HYDIN: variants seen among roughly 807,000 people sequenced by gnomAD.
The protein encoded by HYDIN is axonemal central pair apparatus protein HYDIN.
HYDIN carries 132 observed loss-of-function variants against 403.9 expected under a neutral mutation model. The observed-to-expected ratio is 0.33, with a 90% confidence interval of 0.28 to 0.38. The LOEUF is 0.38. Among genes scored for constraint, HYDIN ranks in the 10% least tolerant of loss-of-function variants. The pLI, the probability that HYDIN is intolerant of heterozygous loss-of-function variation, is 1.00. For synonymous variants in HYDIN, 1,202 were observed against 1,891.7 expected (o/e 0.64, Z 9.46); for missense variants, 2,827 against 5,009.5 (o/e 0.56, Z 13.15).
At chr16:71,103,993 T>C (rs1278392484) in intron 10 of HYDIN, among the ~76,000 whole-genome samples, 3 of 152,168 alleles carry the variant, frequency 2.0e-5, no homozygotes, top group Admixed American at 2.0e-4. Context: ...ATACATTTTG[T>C]CAAATTTATC....
At chr16:70,838,178 A>ATTTCTTTC (rs562861473) in intron 76 of HYDIN, among the ~76,000 whole-genome samples, 5 of 151,288 alleles carry the variant, frequency 3.3e-5, no homozygotes, top group African/African-American at 1.2e-4. Flanking sequence ...CCGATTCTGT[A>ATTTCTTTC]TTTCTTTCTT....
At chr16:71,189,288 G>A (rs370689002) in intron 1 of HYDIN, among the ~76,000 whole-genome samples, 25 of 152,290 alleles carry the variant, frequency 1.6e-4, no homozygotes, top group African/African-American at 5.8e-4. Flanking sequence ...AGATTTCTCT[G>A]AATGTACCTC....
At chr16:71,126,892 C>A (rs1358604991) in intron 9 of HYDIN, among the ~76,000 whole-genome samples, 1 of 151,670 alleles carries the variant, frequency 6.6e-6, no homozygotes, top group African/African-American at 2.4e-5. Context: ...TTACCTGAAT[C>A]GGAAAACCAA....
At chr16:70,859,950 T>A in intron 71 of HYDIN, 118 bp downstream of exon 71, 1 of 786,896 alleles carries the variant, frequency 1.3e-6, no homozygotes, top group South Asian at 1.6e-5. Context: ...TGTTGATTGA[T>A]GCACTACACC....
At chr16:71,081,435 C>T (rs7404748) in intron 12 of HYDIN, among the ~76,000 whole-genome samples, 71,360 of 150,608 alleles carry the variant, frequency 0.47, 19,482 homozygotes, top group East Asian at 0.73. Context: ...CAGTTGAGAA[C>T]GACGTCAACA....
At chr16:70,976,154 A>G (rs1774298) in intron 30 of HYDIN, among the ~76,000 whole-genome samples, 4,092 of 117,728 alleles carry the variant, frequency 0.035, no homozygotes, top group African/African-American at 0.15. Context: ...ACTATGTGTG[A>G]CAAATGATGG....
intron 45 of HYDIN, among the ~76,000 whole-genome samples, chr16:70,928,457 T>TA (rs1043341480): frequency 7.4e-4 from 111 of 149,034 alleles, no homozygotes; most frequent in African/African-American, 1.5e-3. Context: ...AGACCCTGCC[T>TA]AAAAAAAAAA....
At position 71,038,729 on chromosome 16, in the gene HYDIN, C is replaced by T. The variant is rs572610409; in HGVS notation, c.2530-6812G>A. Among the ~76,000 whole-genome samples the T allele has an allele frequency of 1.1e-4, 17 of 152,368 alleles. No individual in the cohort carries two copies. In the South Asian group the frequency reaches 1.5e-3, roughly 13 times the overall value. On this transcript the variant is annotated intron_variant, in intron 18 of 85. Transcript: ENST00000393567. Reference sequence around the variant, plus strand: ...AGGCTAGAGTGCAGTGGCGCCATCTCGGACCACTGCAACCTCCGCCTCCTG... The same window carrying T: ...AGGCTAGAGTGCAGTGGCGCCATCTTGGACCACTGCAACCTCCGCCTCCTG...
intron 47 of HYDIN, among the ~76,000 whole-genome samples, chr16:70,916,853 C>A (rs1567824133): frequency 6.6e-6 from 1 of 151,464 alleles, no homozygotes; most frequent in African/African-American, 2.4e-5. Context: ...TTTTTCCTTC[C>A]TTCCTTCCTT....
chr16:71,183,592 A>C (rs1017673556), intron 3 of HYDIN, among the ~76,000 whole-genome samples: 3 of 152,126 alleles, frequency 2.0e-5, no homozygotes, highest in African/African-American at 7.2e-5. Flanking sequence ...TAAAGTCAGA[A>C]GGTCATAGGG....
chr16:70,902,821 A>ATATTTTTTTTTTTTTTTT, intron 52 of HYDIN, among the ~76,000 whole-genome samples: 5 of 47,312 alleles, frequency 1.1e-4, no homozygotes, highest in African/African-American at 4.7e-4. Flanking sequence ...ATATATATAT[A>ATATTTTTTTTTTTTTTTT]TTTTTTTTTT....
intron 10 of HYDIN, 75 bp downstream of exon 10, chr16:71,115,621 A>T (rs991244880): frequency 1.8e-5 from 15 of 816,396 alleles, no homozygotes; most frequent in Non-Finnish European, 3.0e-5. Context: ...GTGCACACAC[A>T]CACACACTCA....
chr16:71,040,858 G>A (rs1388885690), intron 18 of HYDIN, among the ~76,000 whole-genome samples: 1 of 110,142 alleles, frequency 9.1e-6, no homozygotes, highest in African/African-American at 3.6e-5. Context: ...CTCAGAAAGC[G>A]TATCCCCATT....
At position 70,818,410 on chromosome 16, in the gene HYDIN, A is replaced by G; in HGVS notation, c.14590T>C (p.Phe4864Leu). 1.2e-6 allele frequency: 2 copies of G among 1,613,584 alleles called. No individual in the cohort carries two copies. The highest frequency in any genetic ancestry group is 1.7e-6 in the Non-Finnish European group (2 of 1,179,748). ...TCGGGCATCCGGCATTCCGTGGAGA[A>G]GGTCACCGAGTAGGGCAGAGGGTTC... Reference protein sequence around the residue: ...LENPLPYSVTFSTECRMPDIA... With the variant: ...LENPLPYSVTLSTECRMPDIA... The change falls in exon 84 of 86, where the codon TTC becomes CTC. Residue 4864 changes from phenylalanine (F) to leucine (L), a missense_variant. Transcript: ENST00000393567.
intron 46 of HYDIN, among the ~76,000 whole-genome samples, chr16:70,919,642 G>C (rs2076938075): frequency 6.6e-6 from 1 of 152,044 alleles, no homozygotes. Context: ...AAGGTCAGGA[G>C]TTTAAGACCA....
chr16:70,989,754 G>C (rs1438062959), intron 25 of HYDIN, among the ~76,000 whole-genome samples: 2 of 152,164 alleles, frequency 1.3e-5, no homozygotes, highest in East Asian at 3.9e-4. Flanking sequence ...CCCCTCCTGA[G>C]GTACCCACTG....
intron 6 of HYDIN, among the ~76,000 whole-genome samples, chr16:71,158,872 G>T (rs994842506): frequency 1.0e-4 from 14 of 139,122 alleles, no homozygotes; most frequent in Non-Finnish European, 1.8e-4. Flanking sequence ...TGTATTTTTT[G>T]TAGAGACGGG....
At chr16:71,188,419 C>A (rs913740809) in intron 1 of HYDIN, among the ~76,000 whole-genome samples, 4 of 152,038 alleles carry the variant, frequency 2.6e-5, no homozygotes, top group Admixed American at 6.6e-5. Context: ...GTTGGGGAGC[C>A]CATTCTATCA....
intron 45 of HYDIN, among the ~76,000 whole-genome samples, chr16:70,932,791 T>C (rs985219442): frequency 1.3e-5 from 2 of 152,232 alleles, no homozygotes; most frequent in African/African-American, 2.4e-5. Context: ...ATAAAAATAT[T>C]CAGTTGTTCA....
Sources: gnomAD v4.1 joint callset for allele counts (sites outside exome capture counted in the v4.1 genomes callset) on GRCh38, gnomAD v4.1.1 for gene constraint, MANE v1.5 for transcripts, NCBI Gene and HGNC (gene_info 2026-07-23, HGNC 2026-07-21) for gene names.